ACACB: variants seen among roughly 807,000 people sequenced by gnomAD.
The protein encoded by ACACB is acetyl-CoA carboxylase beta, also known as acetyl-CoA carboxylase 2.
Under a neutral mutation model 278.8 loss-of-function variants are expected in ACACB, and 209 were observed. The observed-to-expected ratio is 0.75, with a 90% CI of 0.67 to 0.84. The LOEUF (loss-of-function observed/expected upper bound fraction) is 0.84, where lower values mean the gene tolerates loss of function less well. Among genes scored for constraint, ACACB ranks in the 40% least tolerant of loss-of-function variants. The pLI is 0.00. For missense variants in ACACB, 2,850 were observed against 3,269.0 expected (o/e 0.87, Z 3.13); for synonymous variants, 1,174 against 1,285.6 (o/e 0.91, Z 1.86).
At chr12:109,203,497 T>A (rs553198577) in intron 19 of ACACB, among the ~76,000 whole-genome samples, 1 of 152,350 alleles carries the variant, frequency 6.6e-6, no homozygotes, top group Non-Finnish European at 1.5e-5. Context: ...TCTTGTTGCT[T>A]TATTATTTGG....
intron 4 of ACACB, 145 bp downstream of exon 4, chr12:109,168,179 A>G: frequency 1.1e-6 from 1 of 931,824 alleles, no homozygotes; most frequent in Non-Finnish European, 1.5e-6. Context: ...TTCCTTCTTT[A>G]TTTAATTAAA....
At position 109,222,623 on chromosome 12, in the gene ACACB, A is replaced by G. The variant is rs1282478338; in HGVS notation, c.3678+3A>G. 6.2e-7 allele frequency: 1 copy of G among 1,612,506 alleles called. No individual in the cohort carries two copies. The highest frequency in any genetic ancestry group is 1.3e-5 in the African/African-American group (1 of 74,866). On this transcript the variant is annotated splice_donor_region_variant and intron_variant, in intron 25 of 52. Coordinates refer to ENST00000338432, the MANE Select transcript of ACACB (RefSeq NM_001093.4). The stretch of plus-strand genomic sequence containing the variant: ...AAGTGGCCCTCAGAGCCCGGCAGGT[A>G]GGGTCTCAGGGTGCGGTCCCCACGA...
intron 2 of ACACB, among the ~76,000 whole-genome samples, chr12:109,159,106 C>T (rs1035387666): frequency 6.6e-6 from 1 of 152,198 alleles, no homozygotes; most frequent in Admixed American, 6.5e-5. Context: ...CCTGGCCTAG[C>T]CAAGGTAGTC....
rs147358100 is a variant in ACACB, at chr12:109,201,657, G to C, written c.2869G>C (p.Val957Leu). 26 of 1,614,102 alleles carry C rather than the reference G, an allele frequency of 1.6e-5. No individual in the cohort carries two copies. The South Asian group carries it at 2.9e-4, about 18-fold the overall frequency. Residue 957 changes from valine (V) to leucine (L), a missense_variant, in exon 19 of 53, where the codon GTG (valine) becomes CTG (leucine). Coordinates refer to ENST00000338432, the MANE Select transcript of ACACB (RefSeq NM_001093.4). ...AGGTGCCGTGCTGGAAGCAGGCTGC[G>C]TGGTGGCCAGGCTGGAGCTCGATGA... is the stretch of plus-strand genomic sequence containing the variant. ...RPGAVLEAGCVVARLELDDPS... is the reference protein window; with the variant it reads ...RPGAVLEAGCLVARLELDDPS...
At chr12:109,189,568 G>A (rs895796049) in intron 13 of ACACB, among the ~76,000 whole-genome samples, 2 of 152,110 alleles carry the variant, frequency 1.3e-5, no homozygotes, top group East Asian at 1.9e-4. Context: ...TCCTGGCACC[G>A]GTTTCTCAGG....
At chr12:109,210,031 ATGTGTATATGTGTATATATACACACACG>A (rs1565925820) in intron 21 of ACACB, among the ~76,000 whole-genome samples, 1 of 109,932 alleles carries the variant, frequency 9.1e-6, no homozygotes, top group African/African-American at 3.2e-5. Context: ...GTGTGTATAT[ATGTGTATATGTGTATATATACACACACG>A]TGTGTATATA....
intron 43 of ACACB, among the ~76,000 whole-genome samples, chr12:109,253,992 G>A (rs563192894): frequency 2.6e-5 from 4 of 152,230 alleles, no homozygotes; most frequent in East Asian, 3.9e-4. Flanking sequence ...CATCTGAACC[G>A]GGAAGCACAC....
chr12:109,151,133 C>T (rs930489786), intron 2 of ACACB, among the ~76,000 whole-genome samples: 3 of 151,958 alleles, frequency 2.0e-5, no homozygotes, highest in African/African-American at 7.3e-5. Flanking sequence ...TACAGGCATG[C>T]ACCACCATGC....
At chr12:109,150,884 G>C (rs1048712843) in intron 2 of ACACB, among the ~76,000 whole-genome samples, 2 of 152,202 alleles carry the variant, frequency 1.3e-5, no homozygotes, top group African/African-American at 4.8e-5. Context: ...GACTTAGGAA[G>C]GGGCTGGGAG....
At position 109,264,339 on chromosome 12, in the gene ACACB, G is replaced by A. The variant is rs772625780; in HGVS notation, c.6895G>A (p.Asp2299Asn). 7.4e-6 allele frequency: 12 copies of A among 1,614,080 alleles called. No homozygotes were observed. The highest frequency in any genetic ancestry group is 3.3e-5 in the South Asian group (3 of 91,076). ...CCACCAGGTGGCGGTGCAGTTCGCC[G>A]ACTTCCATGACACACCCGGCCGGAT... ...IYHQVAVQFA[D>N]FHDTPGRMLE... is the part of the protein sequence containing the mutation. Residue 2299 changes from aspartate (D) to asparagine (N), a missense_variant, in exon 50 of 53, where the codon GAC becomes AAC. Transcript: ENST00000338432.
At chr12:109,246,055 A>C (rs1295710312) in intron 38 of ACACB, 124 bp from the exon 39 acceptor site, 8 of 1,176,632 alleles carry the variant, frequency 6.8e-6, no homozygotes. Context: ...GCACCACTGC[A>C]CTCTGGCCTG....
At chr12:109,129,967 G>A (rs1467915127) in intron 1 of ACACB, among the ~76,000 whole-genome samples, 1 of 152,222 alleles carries the variant, frequency 6.6e-6, no homozygotes, top group Non-Finnish European at 1.5e-5. Flanking sequence ...TTGGTGTTGA[G>A]TGACTACATG....
intron 17 of ACACB, among the ~76,000 whole-genome samples, chr12:109,198,857 C>A (rs2045232010): frequency 6.6e-6 from 1 of 151,934 alleles, no homozygotes; most frequent in Non-Finnish European, 1.5e-5. Flanking sequence ...AACTCCTGGC[C>A]TCAAGCCATC....
intron 2 of ACACB, among the ~76,000 whole-genome samples, chr12:109,142,859 G>A (rs2003590): frequency 0.18 from 27,591 of 152,134 alleles, 4,192 homozygotes; most frequent in African/African-American, 0.4. Context: ...GAGCCATCAC[G>A]TCTAGCCTAC....
intron 6 of ACACB, among the ~76,000 whole-genome samples, chr12:109,173,650 A>G (rs2044188451): frequency 6.6e-6 from 1 of 152,226 alleles, no homozygotes; most frequent in Admixed American, 6.5e-5. Context: ...GTTTTATTAA[A>G]ACATGGTCGT....
chr12:109,144,145 TC>T (rs1391870465), intron 2 of ACACB, among the ~76,000 whole-genome samples: 2 of 152,088 alleles, frequency 1.3e-5, no homozygotes, highest in Non-Finnish European at 2.9e-5. Context: ...AAACCCCATC[TC>T]TATTAAACTA....
rs1211963744 is a variant in ACACB at position 109,167,909 on chromosome 12, A to C, written c.800A>C (p.Asn267Thr). ...CTTCCCATGCAGGTGCTTATTGCCA[A>C]CAACGGGATTGCCGCCGTGAAGTGC... The part of the protein sequence containing the change: ...DRVIEKVLIA[N>T]NGIAAVKCMR... The change falls in exon 4 of 53, where the codon AAC becomes ACC. Residue 267 changes from asparagine (N) to threonine (T), a missense_variant. Physicochemically the swap from Asn to Thr is moderately conservative, Grantham distance 65. Around this residue, in one of 3 missense-constraint regions of ACACB, gnomAD observed 2,265 missense variants for 2,561.3 expected, o/e 0.88. Coordinates refer to ENST00000338432, the MANE Select transcript of ACACB (RefSeq NM_001093.4). 2 of 1,613,782 alleles carry C rather than the reference A, an allele frequency of 1.2e-6. No homozygotes were observed. The highest frequency in any genetic ancestry group is 1.7e-6 in the Non-Finnish European group (2 of 1,179,980).
At chr12:109,187,867 T>A in intron 12 of ACACB, 132 bp from the exon 13 acceptor site, 2 of 903,306 alleles carry the variant, frequency 2.2e-6, no homozygotes, top group East Asian at 2.8e-5. Context: ...ACAAGCGATA[T>A]CAGTGTTCTA....
chr12:109,132,043 T>C (rs942907194), intron 1 of ACACB, among the ~76,000 whole-genome samples: 29 of 152,156 alleles, frequency 1.9e-4, no homozygotes, highest in African/African-American at 7.0e-4. Flanking sequence ...AATTTACTTA[T>C]CTCCACTGCA....
Sources: allele counts gnomAD v4.1 joint callset (sites outside exome capture counted in the v4.1 genomes callset), GRCh38; gene constraint gnomAD v4.1.1; regional missense constraint gnomAD v4.1.1; transcripts MANE v1.5; gene names NCBI Gene and HGNC (gene_info 2026-07-23, HGNC 2026-07-21).